SERGEF: variants seen among roughly 807,000 people sequenced by gnomAD.
The protein encoded by SERGEF is secretion-regulating guanine nucleotide exchange factor.
A neutral mutation model predicts 50.0 loss-of-function variants in SERGEF; 51 were observed. The ratio of observed to expected loss-of-function variants is 1.02; its 90% CI spans 0.81 to 1.29. The LOEUF (loss-of-function observed/expected upper bound fraction) is 1.29. Among genes scored for constraint, SERGEF ranks in the 50% most tolerant of loss-of-function variants. The pLI is 0.00. For missense variants in SERGEF, 521 were observed against 557.0 expected, an observed-to-expected ratio of 0.94 and a Z score of 0.65; for synonymous variants, 205 against 212.4, an observed-to-expected ratio of 0.97 and a Z score of 0.30.
intron 10 of SERGEF, among the ~76,000 whole-genome samples, chr11:17,877,022 C>CAAAGTAGTGCTTCAA (rs1246908415): frequency 4.6e-5 from 7 of 152,240 alleles, no homozygotes; most frequent in African/African-American, 1.4e-4. Context: ...TTTGGGCCTG[C>CAAAGTAGTGCTTCAA]AAAGTAGTGC....
chr11:17,974,068 G>A (rs1489200030), intron 8 of SERGEF, among the ~76,000 whole-genome samples: 1 of 152,136 alleles, frequency 6.6e-6, no homozygotes, highest in East Asian at 1.9e-4. Context: ...ACATTCAAAT[G>A]GCTTGTCTAG....
At chr11:17,940,722 C>T (rs543478783) in intron 9 of SERGEF, among the ~76,000 whole-genome samples, 56 of 152,180 alleles carry the variant, frequency 3.7e-4, no homozygotes, top group African/African-American at 1.3e-3. Flanking sequence ...CACGGGGACA[C>T]GCCACCATGA....
chr11:17,813,301 G>C (rs1849906933), intron 10 of SERGEF, among the ~76,000 whole-genome samples: 1 of 152,174 alleles, frequency 6.6e-6, no homozygotes, highest in Non-Finnish European at 1.5e-5. Context: ...TTTGTTTCCA[G>C]AATCTTATAA....
chr11:17,793,525 C>G (rs1849519939), intron 10 of SERGEF, among the ~76,000 whole-genome samples: 1 of 152,224 alleles, frequency 6.6e-6, no homozygotes, highest in Non-Finnish European at 1.5e-5. Context: ...ACTATGCAGG[C>G]TGTTCTCACA....
intron 9 of SERGEF, among the ~76,000 whole-genome samples, chr11:17,887,651 C>G (rs1851455732): frequency 6.6e-6 from 1 of 152,226 alleles, no homozygotes; most frequent in Non-Finnish European, 1.5e-5. Flanking sequence ...GAAAAACTGT[C>G]TGGCAGTATC....
chr11:17,934,729 A>C (rs1239987133), intron 9 of SERGEF, among the ~76,000 whole-genome samples: 2 of 152,144 alleles, frequency 1.3e-5, no homozygotes, highest in Admixed American at 1.3e-4. Flanking sequence ...ACCTCAACCA[A>C]ATGAATTTCT....
intron 9 of SERGEF, among the ~76,000 whole-genome samples, chr11:17,911,770 T>A (rs1248955316): frequency 6.6e-6 from 1 of 152,092 alleles, no homozygotes; most frequent in Admixed American, 6.6e-5. Context: ...TTATAGGCAT[T>A]ATCTACCATG....
At chr11:18,010,104 G>T in intron 1 of SERGEF, 1 of 1,259,156 alleles carries the variant, frequency 7.9e-7, no homozygotes, top group South Asian at 1.3e-5. Flanking sequence ...GAGATGAGAA[G>T]TAAAATCTTT....
chr11:17,816,568 A>G (rs1015880141), intron 10 of SERGEF, among the ~76,000 whole-genome samples: 2 of 152,196 alleles, frequency 1.3e-5, no homozygotes, highest in African/African-American at 2.4e-5. Context: ...GTACTCCCCA[A>G]CGTGTTTAAG....
chr11:17,893,833 C>T (rs1357264843), intron 9 of SERGEF, among the ~76,000 whole-genome samples: 2 of 152,170 alleles, frequency 1.3e-5, no homozygotes, highest in Non-Finnish European at 2.9e-5. Flanking sequence ...AACCAGTGTT[C>T]CTCCAGCAAG....
intron 10 of SERGEF, among the ~76,000 whole-genome samples, chr11:17,819,900 A>G (rs1239223468): frequency 1.3e-5 from 2 of 152,134 alleles, no homozygotes; most frequent in African/African-American, 4.8e-5. Flanking sequence ...GTGCAGTGGC[A>G]CTATCAAAGC....
chr11:17,995,956 T>A, intron 5 of SERGEF, 47 bp from the exon 6 acceptor site: 1 of 1,334,842 alleles, frequency 7.5e-7, no homozygotes, highest in Non-Finnish European at 1.1e-6. Flanking sequence ...CACATCAGGA[T>A]AAGACTAGAT....
chr11:17,911,827 A>G (rs1331561589), intron 9 of SERGEF, among the ~76,000 whole-genome samples: 2 of 152,182 alleles, frequency 1.3e-5, no homozygotes, highest in African/African-American at 4.8e-5. Context: ...GATGATGAGC[A>G]TATCTATCAC....
intron 8 of SERGEF, among the ~76,000 whole-genome samples, chr11:17,985,203 C>G (rs1261207580): frequency 1.3e-5 from 2 of 152,214 alleles, no homozygotes; most frequent in Non-Finnish European, 2.9e-5. Flanking sequence ...AAAGCAACTA[C>G]TAAGTCTTTA....
intron 8 of SERGEF, among the ~76,000 whole-genome samples, 175 bp downstream of exon 8, chr11:17,988,422 A>T (rs1853643385): frequency 6.6e-6 from 1 of 152,124 alleles, no homozygotes; most frequent in Admixed American, 6.6e-5. Flanking sequence ...CAAACCTGTG[A>T]CTCTGAGAGG....
In SERGEF at chr11:17,884,204, G is replaced by A. The variant is rs1225927492; in HGVS notation, c.1012-5960C>T. 1.3e-5 allele frequency among the ~76,000 whole-genome samples: 2 copies of A among 152,220 alleles called. No individual in the cohort carries two copies. Among genetic ancestry groups the A allele is most frequent in the East Asian group, 1.9e-4 (1 of 5,204 alleles). ...CCTTCAGGTGCTATGGCAACGAGGCGTACGTGCGGAAACACATGATGGCCA... is the reference window on the plus strand; with the variant it reads ...CCTTCAGGTGCTATGGCAACGAGGCATACGTGCGGAAACACATGATGGCCA... On this transcript the variant is annotated intron_variant, in intron 9 of 10. Coordinates refer to ENST00000265965, the MANE Select transcript of SERGEF (RefSeq NM_012139.4). The surrounding 1 kb of genome is among the most constrained non-coding windows in gnomAD (Gnocchi z 4.6).
At chr11:17,989,141 T>G (rs895578854) in intron 7 of SERGEF, among the ~76,000 whole-genome samples, 3 of 152,206 alleles carry the variant, frequency 2.0e-5, no homozygotes, top group East Asian at 3.9e-4. Context: ...ATTTTCAAAA[T>G]AACAGGTTAA....
chr11:17,997,390 T>C, intron 5 of SERGEF, among the ~76,000 whole-genome samples: 1 of 152,206 alleles, frequency 6.6e-6, no homozygotes, highest in Admixed American at 6.5e-5. Flanking sequence ...CAAGTGTTGG[T>C]GAGTTTTTGG....
At chr11:17,861,809 G>A (rs1850931613) in intron 10 of SERGEF, among the ~76,000 whole-genome samples, 1 of 152,254 alleles carries the variant, frequency 6.6e-6, no homozygotes, top group Admixed American at 6.5e-5. Flanking sequence ...CAGTCAGACT[G>A]TAAATCATGA....
Sources: gnomAD v4.1 joint callset for allele counts (sites outside exome capture counted in the v4.1 genomes callset) on GRCh38, gnomAD v4.1.1 for gene constraint, Gnocchi (gnomAD v3.1) non-coding constraint, MANE v1.5 for transcripts, NCBI Gene and HGNC (gene_info 2026-07-23, HGNC 2026-07-21) for gene names.